SPICE1: variants seen among roughly 807,000 people sequenced by gnomAD.
SPICE1 encodes the protein spindle and centriole associated protein 1, also known as spindle and centriole-associated protein 1.
Under a neutral mutation model 102.7 loss-of-function variants are expected in SPICE1, and 75 were observed. That is an observed-to-expected ratio of 0.73 (90% CI 0.61 to 0.88). SPICE1 has a LOEUF of 0.88. SPICE1 is among the 40% of genes least tolerant of loss of function. SPICE1 has a pLI of 0.00. For missense variants in SPICE1, 979 were observed against 1,020.1 expected (o/e 0.96, Z 0.55); for synonymous variants, 308 against 350.3 (o/e 0.88, Z 1.35).
At chr3:113,502,718 T>G (rs1937034286) in intron 3 of SPICE1, among the ~76,000 whole-genome samples, 1 of 146,532 alleles carries the variant, frequency 6.8e-6, no homozygotes, top group African/African-American at 2.5e-5. Context: ...AAAGTAGGAT[T>G]TGAACTAGGA....
rs575737973 is a variant in SPICE1, at chr3:113,496,954, T to A, written c.291+2485A>T. Reference sequence around the variant, plus strand: ...TTGATAGTAGCAAGGTAGAAGACAATCTGTGGGTAACTGACAGTACTACTT... The same window carrying A: ...TTGATAGTAGCAAGGTAGAAGACAAACTGTGGGTAACTGACAGTACTACTT... On this transcript the variant is annotated intron_variant, in intron 4 of 17. Coordinates refer to ENST00000295872, the MANE Select transcript of SPICE1 (RefSeq NM_144718.4). 3.3e-5 allele frequency among the ~76,000 whole-genome samples: 5 copies of A among 152,334 alleles called. No individual in the cohort carries two copies. The South Asian group carries it at 1.0e-3, about 32-fold the overall frequency.
intron 1 of SPICE1, among the ~76,000 whole-genome samples, chr3:113,513,609 C>T (rs147555236): frequency 1.5e-3 from 225 of 152,274 alleles, no homozygotes; most frequent in African/African-American, 5.1e-3. Flanking sequence ...AATTACAATC[C>T]TAGTTGCTCC....
intron 7 of SPICE1, among the ~76,000 whole-genome samples, chr3:113,474,722 G>T (rs1160536486): frequency 6.6e-6 from 1 of 152,072 alleles, no homozygotes; most frequent in African/African-American, 2.4e-5. Flanking sequence ...CAGAAATAAA[G>T]ATGTTCTTTG....
At chr3:113,488,159 T>C (rs539177458) in intron 7 of SPICE1, among the ~76,000 whole-genome samples, 3 of 152,310 alleles carry the variant, frequency 2.0e-5, no homozygotes, top group South Asian at 4.1e-4. Context: ...GATTAGATAA[T>C]AGTGTTAAAT....
intron 7 of SPICE1, among the ~76,000 whole-genome samples, chr3:113,472,463 G>A (rs1462124954): frequency 6.6e-6 from 1 of 152,252 alleles, no homozygotes; most frequent in Non-Finnish European, 1.5e-5. Context: ...GGAGATCTGA[G>A]AACGGGCAGA....
At chr3:113,514,666 C>A (rs371115109) in intron 1 of SPICE1, 1 of 769,288 alleles carries the variant, frequency 1.3e-6, no homozygotes, top group Non-Finnish European at 1.9e-6. Context: ...ACAGGAGGAG[C>A]CTTCTGAGAA....
At chr3:113,483,801 G>A (rs1440980479) in intron 7 of SPICE1, among the ~76,000 whole-genome samples, 3 of 152,082 alleles carry the variant, frequency 2.0e-5, no homozygotes, top group South Asian at 2.1e-4. Context: ...GAGGATTTTT[G>A]CATCGATGTT....
At chr3:113,513,338 G>A (rs1937256049) in intron 1 of SPICE1, among the ~76,000 whole-genome samples, 1 of 152,162 alleles carries the variant, frequency 6.6e-6, no homozygotes, top group Non-Finnish European at 1.5e-5. Flanking sequence ...TTGAGCCCAG[G>A]AATTGGAGGC....
In SPICE1 at chr3:113,486,231, A is replaced by G. The variant is rs927163324; in HGVS notation, c.611+2714T>C. Among the ~76,000 whole-genome samples, 8 of 147,550 alleles carry G rather than the reference A, an allele frequency of 5.4e-5. No homozygotes were observed. In the East Asian group the frequency reaches 9.9e-4, roughly 18 times the overall value. On this transcript the variant is annotated intron_variant, in intron 7 of 17. Transcript: ENST00000295872. ...TTCTCATATATATATATATATATATATGCCCACAAGAGAAAGCAGGAAAGA... is the reference window on the plus strand; with the variant it reads ...TTCTCATATATATATATATATATATGTGCCCACAAGAGAAAGCAGGAAAGA...
intron 1 of SPICE1, among the ~76,000 whole-genome samples, chr3:113,513,946 G>C (rs982964256): frequency 4.6e-5 from 7 of 152,188 alleles, no homozygotes; most frequent in African/African-American, 1.7e-4. Context: ...TACAACAAAA[G>C]GGCAGCATGG....
intron 6 of SPICE1, 151 bp from the exon 7 acceptor site, chr3:113,489,214 T>A (rs1936713276): frequency 1.7e-6 from 1 of 598,398 alleles, no homozygotes; most frequent in African/African-American, 1.9e-5. Flanking sequence ...CTTCCACTAC[T>A]ATCAATTATC....
chr3:113,453,201 T>C, intron 14 of SPICE1, among the ~76,000 whole-genome samples: 1 of 152,226 alleles, frequency 6.6e-6, no homozygotes, highest in East Asian at 1.9e-4. Flanking sequence ...AAAACTTCAT[T>C]CCTAACTTAA....
chr3:113,475,273 G>A (rs531409792), intron 7 of SPICE1, among the ~76,000 whole-genome samples: 29 of 152,336 alleles, frequency 1.9e-4, no homozygotes, highest in Admixed American at 5.9e-4. Context: ...AACAGGCTCT[G>A]AAATAGTGGC....
intron 7 of SPICE1, among the ~76,000 whole-genome samples, chr3:113,475,836 T>C (rs1936330908): frequency 1.3e-5 from 2 of 152,206 alleles, no homozygotes; most frequent in African/African-American, 4.8e-5. Context: ...TCATATTGAA[T>C]GGGCAAAAAC....
Position 113,460,498 on chromosome 3 carries a change from T to C in SPICE1, c.1435+119A>G, listed in dbSNP as rs1935906228. On this transcript the variant is annotated intron_variant, in intron 12 of 17. Coordinates refer to ENST00000295872, the MANE Select transcript of SPICE1 (RefSeq NM_144718.4). ...GTAGTGGCAACTGTAGTAGTGACAA[T>C]ACTGTACATGCATAAACAGTCAATA... 3 of 1,449,390 alleles carry C rather than the reference T, an allele frequency of 2.1e-6. No individual in the cohort carries two copies. The South Asian group carries it at 5.0e-5, about 24-fold the overall frequency. 89.8% of individuals were successfully genotyped at this position (1,449,390 alleles called of 1,614,324 possible). A position where few individuals can be genotyped will look rare whatever the true frequency, so the allele number is the denominator to read the frequency against.
At chr3:113,450,559 A>C in intron 14 of SPICE1, 43 bp from the exon 15 acceptor site, 1 of 1,514,794 alleles carries the variant, frequency 6.6e-7, no homozygotes, top group Non-Finnish European at 8.8e-7. Flanking sequence ...AATACTGAAT[A>C]CTGAAAAATC....
intron 6 of SPICE1, among the ~76,000 whole-genome samples, chr3:113,491,416 C>G (rs988193295): frequency 6.6e-6 from 1 of 151,130 alleles, no homozygotes; most frequent in Non-Finnish European, 1.5e-5. Context: ...GTCAGGAGAT[C>G]GAGACCATCC....
At chr3:113,463,163 A>G (rs1208162869) in intron 11 of SPICE1, among the ~76,000 whole-genome samples, 2 of 152,158 alleles carry the variant, frequency 1.3e-5, no homozygotes, top group Non-Finnish European at 2.9e-5. Context: ...TCTCATTTGT[A>G]ACTGCATCCT....
intron 5 of SPICE1, 137 bp downstream of exon 5, chr3:113,493,912 A>C: frequency 1.7e-6 from 1 of 582,514 alleles, no homozygotes. Context: ...TCTAACCCTA[A>C]CAACCCTTGT....
Sources: gnomAD v4.1 joint callset for allele counts (sites outside exome capture counted in the v4.1 genomes callset) on GRCh38, gnomAD v4.1.1 for gene constraint, MANE v1.5 for transcripts, NCBI Gene and HGNC (gene_info 2026-07-23, HGNC 2026-07-21) for gene names.